IL1RAPL2: variants seen among roughly 807,000 people sequenced by gnomAD.
IL1RAPL2 encodes interleukin 1 receptor accessory protein like 2.
Under a neutral mutation model 44.1 loss-of-function variants are expected in IL1RAPL2, and 3 were observed. That is an observed-to-expected ratio of 0.07 (90% CI 0.03 to 0.18). The LOEUF is 0.18. Ranked by LOEUF, IL1RAPL2 falls within the 10% of genes least tolerant of loss-of-function variation. The pLI, the probability that IL1RAPL2 is intolerant of heterozygous loss-of-function variation, is 1.00. For synonymous variants in IL1RAPL2, 181 were observed against 178.8 expected (o/e 1.01, Z -0.10); for missense variants, 391 against 496.4 (o/e 0.79, Z 2.02).
chrX:105,074,156 A>G (rs2032252871), intron 2 of IL1RAPL2, among the ~76,000 whole-genome samples: 1 of 111,764 alleles, frequency 8.9e-6, no homozygotes, highest in East Asian at 2.8e-4. Context: ...GTTTTCTTCT[A>G]GGGTTTTTAT....
rs782108130 is a variant in IL1RAPL2 at position 105,219,486 on chromosome X, C to T, written c.357-14332C>T. ...GGATTCTCTCCAGCTTCTCTGTGGT[C>T]TCCATGGAGGCAGCCCTGGCCTCCA... is the stretch of plus-strand genomic sequence containing the variant. On this transcript the variant is annotated intron_variant, in intron 3 of 10. Coordinates refer to ENST00000372582, the MANE Select transcript of IL1RAPL2 (RefSeq NM_017416.2). 18 of 1,207,833 alleles carry T rather than the reference C, an allele frequency of 1.5e-5. No individual in the cohort carries two copies. In the South Asian group the frequency reaches 3.0e-4, roughly 20 times the overall value.
intron 2 of IL1RAPL2, among the ~76,000 whole-genome samples, chrX:104,679,830 A>T (rs765508984): frequency 2.7e-5 from 3 of 111,966 alleles, no homozygotes; most frequent in Non-Finnish European, 5.6e-5. Context: ...CATAAAATTA[A>T]CATGTTGATT....
chrX:105,026,480 A>G (rs771648034), intron 2 of IL1RAPL2, among the ~76,000 whole-genome samples: 2 of 111,004 alleles, frequency 1.8e-5, no homozygotes, highest in South Asian at 7.5e-4. Context: ...AACTATTAGA[A>G]CTGATAAATT....
chrX:105,073,676 T>C (rs1287698582), intron 2 of IL1RAPL2, among the ~76,000 whole-genome samples: 3 of 111,557 alleles, frequency 2.7e-5, no homozygotes, highest in African/African-American at 9.8e-5. Flanking sequence ...GTAAAAGTGT[T>C]CCTATTTTTC....
chrX:105,273,539 C>T (rs2034463385), intron 5 of IL1RAPL2, among the ~76,000 whole-genome samples: 1 of 112,078 alleles, frequency 8.9e-6, no homozygotes, highest in African/African-American at 3.2e-5. Flanking sequence ...GTCCCCATTC[C>T]AGAGAGGGTC....
At chrX:105,640,743 G>T (rs751466992) in intron 6 of IL1RAPL2, among the ~76,000 whole-genome samples, 2 of 77,214 alleles carry the variant, frequency 2.6e-5, no homozygotes, top group South Asian at 7.9e-4. Flanking sequence ...TATAGATATA[G>T]ATAGATATAG....
At position 105,138,734 on chromosome X, in the gene IL1RAPL2, C is replaced by T. The variant is rs138256469; in HGVS notation, c.83-56741C>T. On this transcript the variant is annotated intron_variant, in intron 2 of 10. Transcript: ENST00000372582. ...GCTAAATATGAATATTCTTAGAGTC[C>T]AGTGGGTAGTGGATAGCATTTCTTG... is the stretch of plus-strand genomic sequence containing the variant. Among the ~76,000 whole-genome samples the T allele has an allele frequency of 3.8e-3, 416 of 110,906 alleles. 3 individuals carry two copies. The highest frequency in any genetic ancestry group is 0.013 in the African/African-American group (394 of 30,526).
intron 5 of IL1RAPL2, among the ~76,000 whole-genome samples, chrX:105,332,621 A>G (rs1461753702): frequency 2.7e-5 from 3 of 111,744 alleles, no homozygotes; most frequent in Non-Finnish European, 3.8e-5. Context: ...GGAAAAACCT[A>G]AAGACACCAC....
intron 5 of IL1RAPL2, among the ~76,000 whole-genome samples, chrX:105,433,100 G>C (rs2035859045): frequency 9.0e-6 from 1 of 110,722 alleles, no homozygotes; most frequent in Admixed American, 9.6e-5. Context: ...TTTCCATGTA[G>C]TTCAAAGTTT....
chrX:104,985,735 A>G (rs760803799), intron 2 of IL1RAPL2, among the ~76,000 whole-genome samples: 16 of 112,203 alleles, frequency 1.4e-4, no homozygotes, highest in African/African-American at 4.5e-4. Context: ...CAAGTAATAT[A>G]TAACATTTTT....
intron 7 of IL1RAPL2, among the ~76,000 whole-genome samples, chrX:105,729,072 T>TATC (rs947639218): frequency 6.8e-4 from 76 of 111,559 alleles, no homozygotes; most frequent in African/African-American, 2.4e-3. Context: ...AATTTCTTTT[T>TATC]ATCAATGAAT....
intron 6 of IL1RAPL2, among the ~76,000 whole-genome samples, chrX:105,706,885 C>A (rs1201188692): frequency 9.0e-6 from 1 of 111,287 alleles, no homozygotes; most frequent in Admixed American, 9.6e-5. Context: ...TATGTAACCT[C>A]CTGTCTTCAA....
intron 5 of IL1RAPL2, among the ~76,000 whole-genome samples, chrX:105,478,619 C>G (rs1252309120): frequency 9.0e-6 from 1 of 111,406 alleles, no homozygotes; most frequent in Non-Finnish European, 1.9e-5. Context: ...TGTATAGTCT[C>G]TTTTGCTTGC....
At chrX:105,265,590 A>G (rs1180590072) in intron 4 of IL1RAPL2, among the ~76,000 whole-genome samples, 1 of 111,405 alleles carries the variant, frequency 9.0e-6, no homozygotes, top group East Asian at 2.8e-4. Context: ...CATGCTCTCA[A>G]TAGTATTACT....
At chrX:105,590,859 TTGTGTG>T (rs60004058) in intron 6 of IL1RAPL2, among the ~76,000 whole-genome samples, 5 of 88,616 alleles carry the variant, frequency 5.6e-5, no homozygotes, top group East Asian at 3.7e-4. Flanking sequence ...TTGTGTGTGT[TTGTGTG>T]TGTGTGTGTG....
intron 6 of IL1RAPL2, among the ~76,000 whole-genome samples, chrX:105,640,747 G>T (rs7059830): frequency 2.2e-4 from 1 of 4,562 alleles, no homozygotes; most frequent in Admixed American, 1.5e-3. Context: ...GATATAGATA[G>T]ATATAGATAT....
At chrX:105,363,928 C>A (rs1252642280) in intron 5 of IL1RAPL2, among the ~76,000 whole-genome samples, 1 of 111,437 alleles carries the variant, frequency 9.0e-6, no homozygotes, top group Non-Finnish European at 1.9e-5. Flanking sequence ...TTTTGCTGTG[C>A]AAATTCTTTT....
chrX:104,893,095 T>C (rs1045382400), intron 2 of IL1RAPL2, among the ~76,000 whole-genome samples: 20 of 111,672 alleles, frequency 1.8e-4, no homozygotes, highest in Admixed American at 9.5e-4. Context: ...TGTAGTTGAG[T>C]GGTTTTGAGT....
intron 1 of IL1RAPL2, among the ~76,000 whole-genome samples, chrX:104,617,662 C>T: frequency 8.9e-6 from 1 of 111,974 alleles, no homozygotes. Context: ...CAGTTATATT[C>T]TGAAGTTCCT....
Sources: gnomAD v4.1 joint callset for allele counts (sites outside exome capture counted in the v4.1 genomes callset) on GRCh38, gnomAD v4.1.1 for gene constraint, MANE v1.5 for transcripts, NCBI Gene and HGNC (gene_info 2026-07-23, HGNC 2026-07-21) for gene names.